Variants in SYNE2 observed in about 807,000 individuals in gnomAD.
SYNE2 encodes spectrin repeat containing nuclear envelope protein 2, also known as nesprin-2.
In SYNE2, 431 loss-of-function variants were observed where a neutral mutation model predicts 856.3. The observed-to-expected ratio is 0.50, with a 90% CI of 0.47 to 0.55. The LOEUF (loss-of-function observed/expected upper bound fraction) is 0.55, where lower values mean the gene tolerates loss of function less well. Ranked by LOEUF, SYNE2 falls within the 20% of genes least tolerant of loss-of-function variation. The pLI, the probability that SYNE2 is intolerant of heterozygous loss-of-function variation, is 0.00. For synonymous variants in SYNE2, 2,923 were observed against 2,872.3 expected (o/e 1.02, Z -0.56); for missense variants, 8,129 against 8,023.2 (o/e 1.01, Z -0.50).
chr14:64,117,738 G>A (rs1376752740), intron 66 of SYNE2, among the ~76,000 whole-genome samples: 2 of 152,144 alleles, frequency 1.3e-5, no homozygotes, highest in Non-Finnish European at 2.9e-5. Context: ...CTTCTGGCAT[G>A]GTGCATAAAA....
At chr14:64,133,759 G>A (rs79485271) in intron 77 of SYNE2, among the ~76,000 whole-genome samples, 1 of 152,288 alleles carries the variant, frequency 6.6e-6, no homozygotes, top group East Asian at 1.9e-4. Context: ...CTACGGAGTT[G>A]CTAAGAGTAT....
intron 1 of SYNE2, among the ~76,000 whole-genome samples, chr14:63,774,185 T>C (rs113188193): frequency 0.12 from 18,121 of 148,738 alleles, 1,271 homozygotes; most frequent in African/African-American, 0.2. Flanking sequence ...ATACAAAAAA[T>C]TGGGCAGGCG....
At chr14:63,836,423 G>A (rs189831837) in intron 1 of SYNE2, among the ~76,000 whole-genome samples, 4 of 152,242 alleles carry the variant, frequency 2.6e-5, no homozygotes, top group Admixed American at 1.3e-4. Context: ...TTCTTCATTT[G>A]TTCAGACTAT....
At chr14:64,004,169 C>T (rs374539663) in intron 30 of SYNE2, among the ~76,000 whole-genome samples, 3 of 150,732 alleles carry the variant, frequency 2.0e-5, no homozygotes, top group East Asian at 2.0e-4. Context: ...GGACTACAGG[C>T]GCATGCCACC....
intron 1 of SYNE2, among the ~76,000 whole-genome samples, chr14:63,830,643 G>A (rs1889633114): frequency 6.6e-6 from 1 of 151,320 alleles, no homozygotes; most frequent in African/African-American, 2.4e-5. Context: ...CCTCAGCAAT[G>A]GAGCAAGACT....
At position 64,167,595 on chromosome 14, in the gene SYNE2, G is replaced by T. The variant is rs554387139; in HGVS notation, c.16861G>T (p.Ala5621Ser). The T allele has an allele frequency of 1.2e-6, 2 of 1,614,190 alleles. No homozygotes were observed. Among genetic ancestry groups the T allele is most frequent in the African/African-American group, 2.7e-5 (2 of 75,042 alleles). ...AGAAGAAGCACTCAAAGTGGATGTG[G>T]CTAACAGCCTTCCTGAGCTCCTGGA... is the stretch of plus-strand genomic sequence containing the variant. ...KIEEALKVDV[A>S]NSLPELLEQQ... The change falls in exon 92 of 116, where the codon GCT becomes TCT. Residue 5621 changes from alanine (A) to serine (S), a missense_variant. Transcript: ENST00000555002.
intron 99 of SYNE2, among the ~76,000 whole-genome samples, chr14:64,193,614 C>T (rs1205103521): frequency 6.6e-6 from 1 of 151,892 alleles, no homozygotes; most frequent in African/African-American, 2.4e-5. Context: ...AAGATCTTAA[C>T]TATAAAACTA....
rs774138123 is a variant in SYNE2 at position 64,025,415 on chromosome 14, A to G, written c.6246A>G (p.Lys2082=). ...TGCCACTTGAGGAAAGAATCCAAAAAATCAAGGTATAACTATGGAAACTAA... is the reference window on the plus strand; with the variant it reads ...TGCCACTTGAGGAAAGAATCCAAAAGATCAAGGTATAACTATGGAAACTAA... ...GKMPLEERIQ[K]IKEIILLKPE... Residue 2082 remains lysine (K), a synonymous_variant, in exon 41 of 116, where the codon AAA becomes AAG. Transcript: ENST00000555002. 2 of 1,612,078 alleles carry G rather than the reference A, an allele frequency of 1.2e-6. No homozygotes were observed. Among genetic ancestry groups the G allele is most frequent in the Admixed American group, 3.3e-5 (2 of 60,002 alleles).
intron 6 of SYNE2, among the ~76,000 whole-genome samples, chr14:63,942,636 C>T (rs1312086139): frequency 6.6e-6 from 1 of 152,146 alleles, no homozygotes; most frequent in Non-Finnish European, 1.5e-5. Context: ...GCTGGGATTA[C>T]AGACATGCAC....
intron 48 of SYNE2, among the ~76,000 whole-genome samples, chr14:64,055,513 C>T (rs770744805): frequency 1.3e-5 from 2 of 151,674 alleles, no homozygotes; most frequent in African/African-American, 2.4e-5. Flanking sequence ...GGACTACAGG[C>T]GCGCGCCACC....
At chr14:64,098,176 C>G in intron 62 of SYNE2, 30 bp downstream of exon 62, 1 of 1,608,756 alleles carries the variant, frequency 6.2e-7, no homozygotes, top group African/African-American at 1.3e-5. Flanking sequence ...AATGCTGGCC[C>G]CACACTCCAC....
chr14:64,221,490 G>A, intron 111 of SYNE2, 86 bp from the exon 112 acceptor site: 1 of 1,613,280 alleles, frequency 6.2e-7, no homozygotes, highest in Non-Finnish European at 8.5e-7. Flanking sequence ...TGACTGTGAT[G>A]GATTGGAAGC....
intron 96 of SYNE2, among the ~76,000 whole-genome samples, chr14:64,182,214 C>G (rs2098461237): frequency 6.6e-6 from 1 of 152,106 alleles, no homozygotes; most frequent in Non-Finnish European, 1.5e-5. Flanking sequence ...CGCAGCCAAA[C>G]AACTTGAAAT....
chr14:64,041,445 C>T (rs544568478), intron 45 of SYNE2, among the ~76,000 whole-genome samples: 7 of 151,968 alleles, frequency 4.6e-5, no homozygotes, highest in Admixed American at 4.6e-4. Flanking sequence ...GATTAATATC[C>T]AGAATACAAA....
At position 64,190,134 on chromosome 14, in the gene SYNE2, C is replaced by G. The variant is rs1437296089; in HGVS notation, c.17935C>G (p.Gln5979Glu). 1 of 1,614,066 alleles carries G rather than the reference C, an allele frequency of 6.2e-7. No homozygotes were observed. Among genetic ancestry groups the G allele is most frequent in the East Asian group, 2.2e-5 (1 of 44,886 alleles). Reference protein sequence around the residue: ...NKLQLKQMGDQLIKASNKSRA... With the variant: ...NKLQLKQMGDELIKASNKSRA... The stretch of plus-strand genomic sequence containing the variant: ...GTTACAGTTAAAGCAGATGGGTGAC[C>G]AGTTGATCAAGGCCAGCAACAAATC... The change falls in exon 99 of 116, where the codon CAG becomes GAG. Residue 5979 changes from glutamine (Q) to glutamate (E), a missense_variant. Physicochemically the swap from Gln to Glu is conservative, Grantham distance 29. This residue lies in a region of SYNE2 where 5,410 missense variants were observed against 5,284.8 expected (regional missense o/e 1.02). Transcript: ENST00000555002.
At chr14:64,194,281 T>A (rs2098531040) in intron 99 of SYNE2, among the ~76,000 whole-genome samples, 1 of 130,642 alleles carries the variant, frequency 7.7e-6, no homozygotes, top group Non-Finnish European at 1.5e-5. Flanking sequence ...TATTAGCCCC[T>A]CTCCCTCCTC....
intron 70 of SYNE2, 147 bp downstream of exon 70, chr14:64,122,574 C>A: frequency 1.9e-6 from 2 of 1,040,846 alleles, no homozygotes; most frequent in African/African-American, 1.6e-5. Context: ...ATCTTGGAAA[C>A]CTGCATTAGG....
intron 63 of SYNE2, among the ~76,000 whole-genome samples, chr14:64,100,571 T>TA (rs2153639369): frequency 1.5e-5 from 2 of 134,892 alleles, no homozygotes; most frequent in East Asian, 2.1e-4. Context: ...TATATATATA[T>TA]TTATGACATG....
At chr14:63,984,708 T>G (rs936135267) in intron 18 of SYNE2, among the ~76,000 whole-genome samples, 2 of 152,196 alleles carry the variant, frequency 1.3e-5, no homozygotes, top group Non-Finnish European at 2.9e-5. Flanking sequence ...CATGATAACT[T>G]ACACAGCTTT....
Sources: gnomAD v4.1 joint callset for allele counts (sites outside exome capture counted in the v4.1 genomes callset) on GRCh38, gnomAD v4.1.1 for gene constraint, gnomAD v4.1.1 regional missense constraint, MANE v1.5 for transcripts, NCBI Gene and HGNC (gene_info 2026-07-23, HGNC 2026-07-21) for gene names.